The following ADAM12 variants were observed in gnomAD, a reference collection of about 807,000 sequenced individuals.
ADAM12 encodes the protein ADAM metallopeptidase domain 12.
Under a neutral mutation model 106.4 loss-of-function variants are expected in ADAM12, and 70 were observed. The observed-to-expected ratio is 0.66, with a 90% CI of 0.54 to 0.80. The LOEUF (loss-of-function observed/expected upper bound fraction) is 0.80. Among genes scored for constraint, ADAM12 ranks in the 30% least tolerant of loss-of-function variants. The pLI is 0.00. For synonymous variants in ADAM12, 420 were observed against 433.5 expected (o/e 0.97, Z 0.39); for missense variants, 1,010 against 1,171.9 (o/e 0.86, Z 2.02).
intron 2 of ADAM12, among the ~76,000 whole-genome samples, chr10:126,297,403 G>C (rs992140558): frequency 6.6e-6 from 1 of 152,124 alleles, no homozygotes; most frequent in Non-Finnish European, 1.5e-5. Context: ...AAATATATTA[G>C]CCAGGCTTGG....
At chr10:126,067,286 A>G (rs1954890603) in intron 12 of ADAM12, among the ~76,000 whole-genome samples, 1 of 152,232 alleles carries the variant, frequency 6.6e-6, no homozygotes, top group Non-Finnish European at 1.5e-5. Context: ...AGTGGTTTCA[A>G]CCACAATTCC....
intron 4 of ADAM12, among the ~76,000 whole-genome samples, chr10:126,151,124 T>C (rs992785486): frequency 1.3e-5 from 2 of 152,218 alleles, no homozygotes; most frequent in African/African-American, 4.8e-5. Flanking sequence ...CCTAACAGTG[T>C]CTGCAAACAG....
chr10:126,090,827 T>C (rs1251830005), intron 11 of ADAM12: 2 of 152,242 alleles, frequency 1.3e-5, no homozygotes, highest in African/African-American at 4.8e-5. Flanking sequence ...TGGAATGTTT[T>C]GATAAAGAAT....
At chr10:126,327,206 G>A (rs974184931) in intron 2 of ADAM12, among the ~76,000 whole-genome samples, 1 of 152,166 alleles carries the variant, frequency 6.6e-6, no homozygotes, top group African/African-American at 2.4e-5. Flanking sequence ...GCCAAGCCTA[G>A]AGTTTGTCTT....
chr10:126,289,908 A>G (rs1014122320), intron 2 of ADAM12, among the ~76,000 whole-genome samples: 1 of 152,152 alleles, frequency 6.6e-6, no homozygotes, highest in Non-Finnish European at 1.5e-5. Flanking sequence ...ACAGTCCCCA[A>G]AGATGTGCTA....
chr10:126,092,090 T>C (rs1955475743), intron 11 of ADAM12, among the ~76,000 whole-genome samples: 1 of 152,220 alleles, frequency 6.6e-6, no homozygotes, highest in Admixed American at 6.5e-5. Context: ...TCAAGTCCAG[T>C]GTTCTTGATC....
intron 3 of ADAM12, among the ~76,000 whole-genome samples, chr10:126,266,741 T>C (rs1959104696): frequency 6.6e-6 from 1 of 152,138 alleles, no homozygotes. Flanking sequence ...CTTTCAATCA[T>C]GGTGGATGGC....
chr10:126,289,754 G>A (rs536491532), intron 2 of ADAM12, among the ~76,000 whole-genome samples: 1 of 152,186 alleles, frequency 6.6e-6, no homozygotes, highest in African/African-American at 2.4e-5. Context: ...CAGTAGGAGG[G>A]GCCTCAGGCT....
intron 5 of ADAM12, among the ~76,000 whole-genome samples, chr10:126,121,514 T>A: frequency 7.1e-6 from 1 of 141,358 alleles, no homozygotes. Flanking sequence ...AATAGAAAAT[T>A]ATATATTATA....
intron 11 of ADAM12, among the ~76,000 whole-genome samples, chr10:126,078,039 A>T (rs1955137296): frequency 6.7e-6 from 1 of 149,762 alleles, no homozygotes; most frequent in Admixed American, 6.6e-5. Flanking sequence ...GATTCCTCTA[A>T]TGGTAACACC....
At chr10:126,044,583 A>G (rs916890662) in intron 17 of ADAM12, among the ~76,000 whole-genome samples, 7 of 152,248 alleles carry the variant, frequency 4.6e-5, no homozygotes, top group Admixed American at 3.9e-4. Context: ...CCCGCCATCA[A>G]AATATGGCTG....
intron 21 of ADAM12, among the ~76,000 whole-genome samples, chr10:126,029,567 G>A (rs909028393): frequency 2.0e-5 from 3 of 151,940 alleles, no homozygotes; most frequent in African/African-American, 7.2e-5. Context: ...ATGGGGCAGG[G>A]GGAGGAGGAA....
At chr10:126,037,285 C>CTTT (rs34515487) in intron 20 of ADAM12, among the ~76,000 whole-genome samples, 29,456 of 136,042 alleles carry the variant, frequency 0.22, 3,634 homozygotes, top group Non-Finnish European at 0.27. Context: ...TAAGGCTGTG[C>CTTT]TTTTTTTTTT....
chr10:126,067,612 A>G (rs956680232), intron 12 of ADAM12, among the ~76,000 whole-genome samples: 1 of 152,396 alleles, frequency 6.6e-6, no homozygotes, highest in Middle Eastern at 3.4e-3. Context: ...AGTTCTCAAC[A>G]AAAGGCCTGC....
intron 5 of ADAM12, among the ~76,000 whole-genome samples, chr10:126,125,146 C>T (rs1228594588): frequency 6.6e-6 from 1 of 151,908 alleles, no homozygotes; most frequent in Non-Finnish European, 1.5e-5. Flanking sequence ...TTTCATCATT[C>T]CCCCCAAAAC....
At chr10:126,343,074 C>T (rs570988873) in intron 1 of ADAM12, among the ~76,000 whole-genome samples, 13 of 151,986 alleles carry the variant, frequency 8.6e-5, no homozygotes, top group African/African-American at 3.1e-4. Context: ...ACTTTAAGTT[C>T]TAGGGTTTGT....
At position 126,038,326 on chromosome 10, in the gene ADAM12, G is replaced by A; in HGVS notation, c.2264C>T (p.Pro755Leu). The change falls in exon 20 of 23, where the codon CCC (proline) becomes CTC (leucine). Residue 755 changes from proline (P) to leucine (L), a missense_variant. This residue lies in a region of ADAM12 where 615 missense variants were observed against 708.5 expected (regional missense o/e 0.87). Transcript: ENST00000448723. ...AGCCTGACAGGGTTGGAAGCCACGG[G>A]GTGGCCGGGAAGGGCGCACACACCT... ...KLRCVRPSRP[P>L]RGFQPCQAHL... is the part of the protein sequence containing the mutation. The A allele has an allele frequency of 2.5e-6, 4 of 1,605,614 alleles. No individual in the cohort carries two copies. The highest frequency in any genetic ancestry group is 3.4e-6 in the Non-Finnish European group (4 of 1,175,096).
At chr10:126,192,632 ATC>A (rs148488951) in intron 3 of ADAM12, among the ~76,000 whole-genome samples, 1 of 152,340 alleles carries the variant, frequency 6.6e-6, no homozygotes, top group African/African-American at 2.4e-5. Flanking sequence ...ACAATTCTAA[ATC>A]TCTGTTTGTA....
chr10:126,268,870 C>A, intron 3 of ADAM12, among the ~76,000 whole-genome samples: 1 of 152,248 alleles, frequency 6.6e-6, no homozygotes, highest in South Asian at 2.1e-4. Flanking sequence ...GGTTCCCGAT[C>A]CAGACCCCAA....
Sources: allele counts gnomAD v4.1 joint callset (sites outside exome capture counted in the v4.1 genomes callset), GRCh38; gene constraint gnomAD v4.1.1; regional missense constraint gnomAD v4.1.1; transcripts MANE v1.5; gene names NCBI Gene and HGNC (gene_info 2026-07-23, HGNC 2026-07-21).